CRPPA: variants seen among roughly 807,000 people sequenced by gnomAD.
The protein encoded by CRPPA is D-ribitol-5-phosphate cytidylyltransferase.
CRPPA carries 43 observed loss-of-function variants against 52.0 expected under a neutral mutation model. The observed-to-expected ratio is 0.83, with a 90% CI of 0.65 to 1.07. The LOEUF (loss-of-function observed/expected upper bound fraction) is 1.07, where lower values mean the gene tolerates loss of function less well. Ranked by LOEUF, CRPPA falls within the 50% of genes least tolerant of loss-of-function variation. CRPPA has a pLI of 0.00. For missense variants in CRPPA, 629 were observed against 551.7 expected (o/e 1.14, Z -1.40); for synonymous variants, 250 against 203.5 (o/e 1.23, Z -1.94).
At chr7:16,267,640 A>C (rs1012273313) in intron 6 of CRPPA, among the ~76,000 whole-genome samples, 5 of 152,192 alleles carry the variant, frequency 3.3e-5, no homozygotes, top group African/African-American at 1.2e-4. Flanking sequence ...AATGACTAAA[A>C]TTAAACAATT....
At chr7:16,398,949 G>A (rs557457595) in intron 2 of CRPPA, among the ~76,000 whole-genome samples, 76 of 152,344 alleles carry the variant, frequency 5.0e-4, no homozygotes, top group African/African-American at 1.7e-3. Context: ...TGATCATCAC[G>A]TAATCAACAC....
Position 16,089,713 on chromosome 7 carries a change from A to G in CRPPA, c.*1982T>C, listed in dbSNP as rs1781796259. ...CTATTTTTTCCAGGCACAACTTAAT[A>G]TTTTATTAACTAAATTATACTAAAT... On this transcript the variant is annotated 3_prime_UTR_variant, in exon 10 of 10. Transcript: ENST00000407010. 5.1e-6 allele frequency: 1 copy of G among 196,762 alleles called. No individual in the cohort carries two copies. The highest frequency in any genetic ancestry group is 5.3e-5 in the Admixed American group (1 of 18,974). The allele number at this position is 196,762 out of a possible 1,614,324, so 12.2% of individuals were successfully genotyped here.
chr7:16,167,934 C>T (rs979960243), intron 9 of CRPPA, among the ~76,000 whole-genome samples: 8 of 152,200 alleles, frequency 5.3e-5, no homozygotes, highest in Admixed American at 1.3e-4. Context: ...TCTTATTCCT[C>T]ATTGTATTAT....
intron 8 of CRPPA, among the ~76,000 whole-genome samples, chr7:16,218,185 CA>C (rs1782385778): frequency 1.3e-5 from 2 of 150,188 alleles, no homozygotes; most frequent in Non-Finnish European, 3.0e-5. Flanking sequence ...CATATCCAGC[CA>C]AACTAAGCTT....
At chr7:16,149,011 C>T (rs373193784) in intron 9 of CRPPA, among the ~76,000 whole-genome samples, 31 of 152,214 alleles carry the variant, frequency 2.0e-4, no homozygotes, top group African/African-American at 7.5e-4. Context: ...ATGTTTTCTA[C>T]TCTGAAATGT....
At chr7:16,260,573 T>C (rs573528450) in intron 6 of CRPPA, among the ~76,000 whole-genome samples, 37 of 152,176 alleles carry the variant, frequency 2.4e-4, no homozygotes, top group African/African-American at 8.9e-4. Context: ...TCCACCAATA[T>C]CTATGATACT....
At chr7:16,216,861 G>A (rs910069403) in intron 8 of CRPPA, among the ~76,000 whole-genome samples, 4 of 152,178 alleles carry the variant, frequency 2.6e-5, no homozygotes, top group Non-Finnish European at 4.4e-5. Flanking sequence ...GCGAGGCCGG[G>A]GGAGGGGCGC....
At chr7:16,419,896 T>C (rs1260334379) in intron 1 of CRPPA, among the ~76,000 whole-genome samples, 1 of 152,242 alleles carries the variant, frequency 6.6e-6, no homozygotes, top group African/African-American at 2.4e-5. Context: ...GATATGAGAC[T>C]GATTTGAGTA....
chr7:16,229,631 G>A (rs752092831), intron 8 of CRPPA, among the ~76,000 whole-genome samples: 5 of 151,944 alleles, frequency 3.3e-5, no homozygotes, highest in Non-Finnish European at 7.4e-5. Flanking sequence ...TTTTTAATAG[G>A]TTTGCCTTTT....
chr7:16,203,018 T>C (rs1781892642), intron 9 of CRPPA, among the ~76,000 whole-genome samples: 3 of 152,184 alleles, frequency 2.0e-5, no homozygotes, highest in South Asian at 4.1e-4. Context: ...GTATGTAACT[T>C]ACAGTATATT....
chr7:16,371,045 G>T (rs951474290), intron 3 of CRPPA, among the ~76,000 whole-genome samples: 2 of 152,180 alleles, frequency 1.3e-5, no homozygotes, highest in African/African-American at 4.8e-5. Flanking sequence ...AGGCTATGAG[G>T]TAGATCGCTT....
intron 8 of CRPPA, among the ~76,000 whole-genome samples, chr7:16,238,588 TAAA>T (rs760456260): frequency 8.6e-5 from 13 of 151,928 alleles, no homozygotes; most frequent in Non-Finnish European, 1.6e-4. Flanking sequence ...AAATTGGACA[TAAA>T]AAAGGAGGAT....
chr7:16,159,542 T>C (rs1783259188), intron 9 of CRPPA, among the ~76,000 whole-genome samples: 1 of 152,198 alleles, frequency 6.6e-6, no homozygotes, highest in Admixed American at 6.5e-5. Context: ...ATGAACTCAT[T>C]CCTTTTTATG....
At chr7:16,196,355 G>A (rs1781733065) in intron 9 of CRPPA, among the ~76,000 whole-genome samples, 1 of 152,092 alleles carries the variant, frequency 6.6e-6, no homozygotes, top group Admixed American at 6.6e-5. Context: ...ATACAAAAGT[G>A]CCTGGTGCAC....
chr7:16,255,981 G>A (rs1442774551), intron 8 of CRPPA, among the ~76,000 whole-genome samples: 1 of 152,148 alleles, frequency 6.6e-6, no homozygotes, highest in Non-Finnish European at 1.5e-5. Flanking sequence ...CAAAGCAAAA[G>A]AAACTACCAT....
intron 9 of CRPPA, among the ~76,000 whole-genome samples, chr7:16,169,275 T>C (rs1484025968): frequency 6.6e-6 from 1 of 152,190 alleles, no homozygotes; most frequent in Non-Finnish European, 1.5e-5. Flanking sequence ...GTACATGTAC[T>C]ACACTAATAA....
At chr7:16,155,680 T>A (rs959881826) in intron 9 of CRPPA, among the ~76,000 whole-genome samples, 1 of 152,176 alleles carries the variant, frequency 6.6e-6, no homozygotes, top group Admixed American at 6.5e-5. Context: ...ATACAAAATA[T>A]CCATTAATAG....
In CRPPA at chr7:16,276,899, G is replaced by C. The variant is rs184101843; in HGVS notation, c.933+1230C>G. ...AGAAAGGAGGAGGTAGAAGACACTG[G>C]TTAATTTGTTAATTTTAACAACTCA... On this transcript the variant is annotated intron_variant, in intron 6 of 9. Coordinates refer to ENST00000407010, the MANE Select transcript of CRPPA (RefSeq NM_001101426.4). 4 of 152,180 alleles carry C rather than the reference G, an allele frequency of 2.6e-5. No individual in the cohort carries two copies. The East Asian group carries it at 7.7e-4, about 29-fold the overall frequency. 9.4% of individuals were successfully genotyped at this position (152,180 alleles called of 1,614,324 possible).
At chr7:16,099,378 G>A (rs1404694147) in intron 9 of CRPPA, among the ~76,000 whole-genome samples, 2 of 136,586 alleles carry the variant, frequency 1.5e-5, no homozygotes, top group Non-Finnish European at 3.2e-5. Context: ...GAGGAAGGCA[G>A]AGGGAAGGGG....
Sources: gnomAD v4.1 joint callset for allele counts (sites outside exome capture counted in the v4.1 genomes callset) on GRCh38, gnomAD v4.1.1 for gene constraint, MANE v1.5 for transcripts, NCBI Gene and HGNC (gene_info 2026-07-23, HGNC 2026-07-21) for gene names.